Variants in STAC observed in about 807,000 individuals in gnomAD.
The protein encoded by STAC is SH3 and cysteine rich domain.
A neutral mutation model predicts 48.8 loss-of-function variants in STAC; 43 were observed. That is an observed-to-expected ratio of 0.88 (90% CI 0.69 to 1.14). STAC has a LOEUF of 1.14. Among genes scored for constraint, STAC ranks in the 50% most tolerant of loss-of-function variants. The pLI is 0.00. For missense variants in STAC, 497 were observed against 504.0 expected, an observed-to-expected ratio of 0.99 and a Z score of 0.13; for synonymous variants, 193 against 179.5, an observed-to-expected ratio of 1.07 and a Z score of -0.60.
At chr3:36,397,150 T>G (rs1025635629) in intron 1 of STAC, among the ~76,000 whole-genome samples, 1 of 152,196 alleles carries the variant, frequency 6.6e-6, no homozygotes, top group African/African-American at 2.4e-5. Flanking sequence ...TAGTTCAGAC[T>G]TTTTGTTTAT....
At chr3:36,427,364 C>T (rs1030449057) in intron 1 of STAC, among the ~76,000 whole-genome samples, 3 of 152,138 alleles carry the variant, frequency 2.0e-5, no homozygotes, top group Non-Finnish European at 4.4e-5. Flanking sequence ...GCCACAGGCC[C>T]CTAATGCAGT....
chr3:36,465,503 C>T (rs1167103651), intron 2 of STAC, among the ~76,000 whole-genome samples: 6 of 152,094 alleles, frequency 3.9e-5, no homozygotes, highest in Non-Finnish European at 8.8e-5. Flanking sequence ...GCTGCATTTG[C>T]TTTTGGGTTC....
intron 10 of STAC, among the ~76,000 whole-genome samples, chr3:36,545,523 A>C (rs544458070): frequency 6.6e-6 from 1 of 152,264 alleles, no homozygotes; most frequent in East Asian, 1.9e-4. Context: ...CTCACAACAC[A>C]ACAATAGTTC....
At chr3:36,495,047 C>T (rs759281650) in intron 6 of STAC, among the ~76,000 whole-genome samples, 10 of 152,144 alleles carry the variant, frequency 6.6e-5, no homozygotes, top group African/African-American at 2.2e-4. Context: ...TCACTAACTG[C>T]GCTGGAAACA....
At chr3:36,522,015 G>A (rs957086306) in intron 8 of STAC, among the ~76,000 whole-genome samples, 3 of 152,086 alleles carry the variant, frequency 2.0e-5, no homozygotes, top group Non-Finnish European at 4.4e-5. Flanking sequence ...TCAAGCCCAG[G>A]AGGTAGAGGC....
intron 1 of STAC, among the ~76,000 whole-genome samples, chr3:36,420,998 G>A (rs900225867): frequency 6.6e-6 from 1 of 151,976 alleles, no homozygotes; most frequent in African/African-American, 2.4e-5. Flanking sequence ...AAATATGTAG[G>A]TTATAACTTT....
chr3:36,500,957 G>C (rs962447203), intron 6 of STAC, among the ~76,000 whole-genome samples: 1 of 152,030 alleles, frequency 6.6e-6, no homozygotes, highest in Non-Finnish European at 1.5e-5. Context: ...GCCGGGCAGG[G>C]TGGCATATGT....
intron 1 of STAC, among the ~76,000 whole-genome samples, chr3:36,401,989 A>G (rs17035027): frequency 0.032 from 4,851 of 152,294 alleles, 271 homozygotes; most frequent in African/African-American, 0.11. Context: ...TGACAAAACT[A>G]TAGAGGTGGA....
chr3:36,473,513 C>T (rs1454491231), intron 2 of STAC, among the ~76,000 whole-genome samples: 2 of 152,138 alleles, frequency 1.3e-5, no homozygotes, highest in African/African-American at 4.8e-5. Context: ...CCTTCATTTT[C>T]CCATTTTGTG....
intron 6 of STAC, among the ~76,000 whole-genome samples, chr3:36,501,552 G>A (rs1045969995): frequency 1.3e-5 from 2 of 152,036 alleles, no homozygotes; most frequent in Admixed American, 6.6e-5. Flanking sequence ...TAAATAGGCA[G>A]ATATAAAGAT....
chr3:36,531,602 A>T (rs1461199885), intron 10 of STAC, among the ~76,000 whole-genome samples: 2 of 152,018 alleles, frequency 1.3e-5, no homozygotes, highest in Non-Finnish European at 2.9e-5. Flanking sequence ...CAGCCCACCC[A>T]CCTTACCACC....
Position 36,443,352 on chromosome 3 carries a change from A to G in STAC, c.112-12A>G. On this transcript the variant is annotated splice_polypyrimidine_tract_variant and intron_variant, in intron 1 of 10. Coordinates refer to ENST00000273183, the MANE Select transcript of STAC (RefSeq NM_003149.3). This position sits in a 1 kb window ranked among gnomAD's most constrained non-coding sequence, Gnocchi z 4.2. ...TGATCGTAAGAGAGACTGTTCTGTC[A>G]TTGCATTGCAGCTCCAGAAACTAAA... The G allele has an allele frequency of 6.2e-7, 1 of 1,614,028 alleles. No individual in the cohort carries two copies. Among genetic ancestry groups the G allele is most frequent in the Non-Finnish European group, 8.5e-7 (1 of 1,179,986 alleles).
intron 6 of STAC, among the ~76,000 whole-genome samples, chr3:36,502,892 G>T (rs185079906): frequency 9.3e-4 from 142 of 152,252 alleles, no homozygotes; most frequent in African/African-American, 3.3e-3. Flanking sequence ...CTGCATATTG[G>T]CTTCCTAGGG....
chr3:36,421,449 T>C (rs1700446247), intron 1 of STAC, among the ~76,000 whole-genome samples: 1 of 152,218 alleles, frequency 6.6e-6, no homozygotes, highest in Non-Finnish European at 1.5e-5. Flanking sequence ...AGTCATACTA[T>C]GAGAATTCAA....
chr3:36,542,819 G>A (rs1376161686), intron 10 of STAC, among the ~76,000 whole-genome samples: 1 of 152,186 alleles, frequency 6.6e-6, no homozygotes, highest in East Asian at 1.9e-4. Context: ...TGGGACAGCT[G>A]TACCCAGAAA....
At chr3:36,484,901 T>C in intron 3 of STAC, 76 bp from the exon 4 acceptor site, 2 of 1,224,776 alleles carry the variant, frequency 1.6e-6, no homozygotes, top group Non-Finnish European at 2.2e-6. Flanking sequence ...CCAATTGGTT[T>C]TATTTAGGGA....
chr3:36,384,223 G>A (rs188771937), intron 1 of STAC, among the ~76,000 whole-genome samples: 2 of 152,266 alleles, frequency 1.3e-5, no homozygotes, highest in African/African-American at 4.8e-5. Context: ...GCTTGCTAGT[G>A]TCTAATGTGA....
intron 1 of STAC, among the ~76,000 whole-genome samples, chr3:36,390,451 C>CCTTTTTTTTTTTTTTTTTTTTTTT (rs1699726848): frequency 1.2e-5 from 1 of 80,824 alleles, no homozygotes; most frequent in African/African-American, 4.2e-5. Context: ...TTTTTCTTTT[C>CCTTTTTTTTTTTTTTTTTTTTTTT]TTTTTTTTTT....
intron 2 of STAC, among the ~76,000 whole-genome samples, chr3:36,478,000 G>A (rs1697537469): frequency 6.6e-6 from 1 of 152,186 alleles, no homozygotes; most frequent in African/African-American, 2.4e-5. Context: ...AACAGAAACT[G>A]TCTCGTCCCA....
Sources: gnomAD v4.1 joint callset for allele counts (sites outside exome capture counted in the v4.1 genomes callset) on GRCh38, gnomAD v4.1.1 for gene constraint, Gnocchi (gnomAD v3.1) non-coding constraint, MANE v1.5 for transcripts, NCBI Gene and HGNC (gene_info 2026-07-23, HGNC 2026-07-21) for gene names.